The following EFCC1 variants were observed in gnomAD, a reference collection of about 807,000 sequenced individuals.
The protein encoded by EFCC1 is EF-hand and coiled-coil domain containing 1.
A neutral mutation model predicts 52.1 loss-of-function variants in EFCC1; 50 were observed. The ratio of observed to expected loss-of-function variants is 0.96; its 90% CI spans 0.76 to 1.21. The LOEUF (loss-of-function observed/expected upper bound fraction) is 1.21, where lower values mean the gene tolerates loss of function less well. Among genes scored for constraint, EFCC1 ranks in the 50% most tolerant of loss-of-function variants. The probability of loss-of-function intolerance (pLI) is 0.00; values close to 1 mark genes in which losing one functional copy is unlikely to be tolerated. For synonymous variants in EFCC1, 399 were observed against 396.5 expected (o/e 1.01, Z -0.08); for missense variants, 837 against 867.3 (o/e 0.97, Z 0.44).
rs758719067 is a variant in EFCC1, at chr3:129,039,732, G to A, written c.1684G>A (p.Ala562Thr). The A allele has an allele frequency of 2.1e-5, 34 of 1,607,600 alleles. No individual in the cohort carries two copies. Among genetic ancestry groups the A allele is most frequent in the Non-Finnish European group, 2.8e-5 (33 of 1,175,894 alleles). The stretch of plus-strand genomic sequence containing the variant: ...TCCAGAGGGAAGGCCCAGCCCTGCA[G>A]CCATCCTGGATGCCCTGCACCAAGC... ...PTHEGRPSPAAILDALHQALA... is the reference protein window; with the variant it reads ...PTHEGRPSPATILDALHQALA... Residue 562 changes from alanine (A) to threonine (T), a missense_variant, in exon 8 of 8, where the codon GCC (alanine) becomes ACC (threonine). By Grantham distance (58) the Ala-to-Thr change is moderately conservative (BLOSUM62 0). Coordinates refer to ENST00000683648, the MANE Select transcript of EFCC1 (RefSeq NM_001377500.1).
Position 129,002,107 on chromosome 3 carries a change from G to A in EFCC1, c.479G>A (p.Arg160Gln). ...TACTTCGGCACCCGTGCGGGGCCCC[G>A]GCTGCCCCGCGGCGCTCTCAGCGAG... is the stretch of plus-strand genomic sequence containing the variant. ...CGYFGTRAGPRLPRGALSEHI... is the reference protein window; with the variant it reads ...CGYFGTRAGPQLPRGALSEHI... Residue 160 changes from arginine (R) to glutamine (Q), a missense_variant, in exon 1 of 8, where the codon CGG (arginine) becomes CAG (glutamine). By Grantham distance (43) the Arg-to-Gln change is conservative. Coordinates refer to ENST00000683648, the MANE Select transcript of EFCC1 (RefSeq NM_001377500.1). The A allele has an allele frequency of 6.7e-7, 1 of 1,492,728 alleles. No individual in the cohort carries two copies. The highest frequency in any genetic ancestry group is 1.5e-5 in the African/African-American group (1 of 68,090). 92.5% of individuals were successfully genotyped at this position (1,492,728 alleles called of 1,614,324 possible). A position where few individuals can be genotyped will look rare whatever the true frequency, so the allele number is the denominator to read the frequency against.
intron 2 of EFCC1, among the ~76,000 whole-genome samples, chr3:129,028,120 T>C (rs1321791989): frequency 6.6e-6 from 1 of 151,864 alleles, no homozygotes; most frequent in Non-Finnish European, 1.5e-5. Flanking sequence ...AGCCTCACCT[T>C]TTCACCCAGG....
Position 129,011,025 on chromosome 3 carries a change from C to G in EFCC1, c.980+6948C>G, listed in dbSNP as rs112173050. Among the ~76,000 whole-genome samples, 1,308 of 152,238 alleles carry G rather than the reference C, an allele frequency of 8.6e-3. 20 individuals are homozygous for G. The highest frequency in any genetic ancestry group is 0.03 in the African/African-American group (1,231 of 41,530). On this transcript the variant is annotated intron_variant, in intron 2 of 7. Transcript: ENST00000683648. The stretch of plus-strand genomic sequence containing the variant: ...CTCAGTTTCCTCGGCTATAAAGTGG[C>G]TATGGGATTCTGTCTTGGCATAAAC...
At chr3:129,028,152 T>C (rs1289167087) in intron 2 of EFCC1, among the ~76,000 whole-genome samples, 1 of 151,706 alleles carries the variant, frequency 6.6e-6, no homozygotes, top group African/African-American at 2.4e-5. Flanking sequence ...TGGTGCGATC[T>C]AGGTTACGGC....
chr3:129,003,393 C>T (rs1944892241), intron 1 of EFCC1: 3 of 641,336 alleles, frequency 4.7e-6, no homozygotes, highest in Non-Finnish European at 5.8e-6. Context: ...TGAGCAGGCA[C>T]GGGGAGGGCT....
At chr3:129,022,247 G>C (rs1465052284) in intron 2 of EFCC1, among the ~76,000 whole-genome samples, 1 of 152,238 alleles carries the variant, frequency 6.6e-6, no homozygotes, top group Non-Finnish European at 1.5e-5. Context: ...AGCTAGCACA[G>C]AGTCCCCAGC....
In EFCC1 at chr3:129,037,117, G is replaced by C. The variant is rs1353301080; in HGVS notation, c.1593G>C (p.Leu531=). The change falls in exon 6 of 8, where the codon CTG becomes CTC. Residue 531 remains leucine (L), a splice_region_variant and synonymous_variant. Transcript: ENST00000683648. The stretch of plus-strand genomic sequence containing the variant: ...AGCTCCTGCAGAGGCTCCGGGACCT[G>C]GTAGGCTCACGGGAGAGCTGCCACA... ...VLQLLQRLRD[L]NISKRALGKI... The C allele has an allele frequency of 6.2e-7, 1 of 1,603,252 alleles. No individual in the cohort carries two copies. The highest frequency in any genetic ancestry group is 1.1e-5 in the South Asian group (1 of 89,774).
intron 2 of EFCC1, among the ~76,000 whole-genome samples, chr3:129,015,421 G>A (rs563448630): frequency 1.3e-5 from 2 of 151,986 alleles, no homozygotes; most frequent in Admixed American, 6.6e-5. Context: ...TGCTCCTTCG[G>A]GGGGGGAGGT....
At chr3:129,031,568 C>T (rs947085535) in intron 3 of EFCC1, among the ~76,000 whole-genome samples, 1 of 152,176 alleles carries the variant, frequency 6.6e-6, no homozygotes, top group African/African-American at 2.4e-5. Flanking sequence ...GTTAGGACAT[C>T]GTTTGTCTCC....
chr3:129,016,501 C>T (rs1415998215), intron 2 of EFCC1, among the ~76,000 whole-genome samples: 10 of 149,108 alleles, frequency 6.7e-5, no homozygotes, highest in Admixed American at 6.7e-4. Context: ...TGGGCACGCC[C>T]GTGTCTAGAG....
intron 1 of EFCC1, 101 bp downstream of exon 1, chr3:129,002,425 G>A (rs956048000): frequency 6.1e-5 from 87 of 1,419,092 alleles, no homozygotes; most frequent in Non-Finnish European, 7.4e-5. Flanking sequence ...CAGAGGAAGG[G>A]GAGACAGAGG....
Position 129,001,602 on chromosome 3 carries a change from C to T in EFCC1, c.-27C>T, listed in dbSNP as rs1429674803. On this transcript the variant is annotated 5_prime_UTR_variant, in exon 1 of 8. Transcript: ENST00000683648. ...GGGGCGAAGGGACCGGAGGAGGGAC[C>T]GGAGGAGCGAGGCGCGCGGCGCAGC... 1.5e-6 allele frequency: 2 copies of T among 1,355,596 alleles called. No homozygotes were observed. Among genetic ancestry groups the T allele is most frequent in the Non-Finnish European group, 1.9e-6 (2 of 1,060,796 alleles). The allele number at this position is 1,355,596 out of a possible 1,614,324, so 84.0% of individuals were successfully genotyped here.
rs779432304 is a variant in EFCC1 at position 129,037,052 on chromosome 3, C to A, written c.1528C>A (p.Arg510=). 1 of 1,613,404 alleles carries A rather than the reference C, an allele frequency of 6.2e-7. No homozygotes were observed. The highest frequency in any genetic ancestry group is 8.5e-7 in the Non-Finnish European group (1 of 1,179,904). ...GCAGATGGTAGAGACCGAGAGGGTG[C>A]GGCTGTCCCTGCTGGAGGAGAAGCT... ...ELQMVETERV[R]LSLLEEKLVD... The change falls in exon 6 of 8, where the codon CGG becomes AGG. Residue 510 remains arginine, a synonymous_variant. Transcript: ENST00000683648.
chr3:129,002,450 TC>T, intron 1 of EFCC1, 126 bp downstream of exon 1: 1 of 1,389,350 alleles, frequency 7.2e-7, no homozygotes, highest in Non-Finnish European at 9.3e-7. Flanking sequence ...CCCCACACCA[TC>T]CCACTCCGCA....
At chr3:129,016,079 A>C (rs1945569278) in intron 2 of EFCC1, among the ~76,000 whole-genome samples, 1 of 152,200 alleles carries the variant, frequency 6.6e-6, no homozygotes, top group Non-Finnish European at 1.5e-5. Flanking sequence ...TTTTTCATCT[A>C]TTCCAGAATA....
chr3:129,032,760 G>A, intron 3 of EFCC1, 59 bp from the exon 4 acceptor site: 3 of 1,530,376 alleles, frequency 2.0e-6, no homozygotes, highest in East Asian at 2.5e-5. Flanking sequence ...GTCCCCCTGG[G>A]GAGGGATGCC....
chr3:129,037,678 G>A (rs1212824928), intron 6 of EFCC1, among the ~76,000 whole-genome samples: 1 of 152,120 alleles, frequency 6.6e-6, no homozygotes, highest in Non-Finnish European at 1.5e-5. Context: ...AAGAATAGTA[G>A]GGATCTTCCT....
intron 6 of EFCC1, among the ~76,000 whole-genome samples, chr3:129,037,797 A>G (rs1946374647): frequency 6.6e-6 from 1 of 151,878 alleles, no homozygotes. Flanking sequence ...CTGGTGGTGC[A>G]TGCCTGTAAT....
intron 2 of EFCC1, among the ~76,000 whole-genome samples, chr3:129,026,463 T>C (rs982497246): frequency 6.6e-6 from 1 of 152,220 alleles, no homozygotes; most frequent in Non-Finnish European, 1.5e-5. Context: ...CCTTACCTGC[T>C]GACATACCTC....
Sources: allele counts gnomAD v4.1 joint callset (sites outside exome capture counted in the v4.1 genomes callset), GRCh38; gene constraint gnomAD v4.1.1; transcripts MANE v1.5; gene names NCBI Gene and HGNC (gene_info 2026-07-23, HGNC 2026-07-21).